ADAM23: variants seen among roughly 807,000 people sequenced by gnomAD.
ADAM23 encodes disintegrin and metalloproteinase domain-containing protein 23.
ADAM23 carries 33 observed loss-of-function variants against 120.1 expected under a neutral mutation model. The observed-to-expected ratio is 0.27, with a 90% CI of 0.21 to 0.37. The LOEUF is 0.37. ADAM23 is among the 10% of genes least tolerant of loss of function. The probability of loss-of-function intolerance (pLI) is 1.00; values close to 1 mark genes in which losing one functional copy is unlikely to be tolerated. For synonymous variants in ADAM23, 367 were observed against 375.2 expected (o/e 0.98, Z 0.25); for missense variants, 862 against 1,058.2 (o/e 0.81, Z 2.57).
chr2:206,454,081 G>C (rs1365324789), intron 2 of ADAM23, among the ~76,000 whole-genome samples: 3 of 152,214 alleles, frequency 2.0e-5, no homozygotes, highest in African/African-American at 7.2e-5. Context: ...GTGAACCAAA[G>C]TGTAAATAGA....
intron 24 of ADAM23, among the ~76,000 whole-genome samples, chr2:206,609,592 A>G (rs1033090251): frequency 2.0e-5 from 3 of 152,124 alleles, no homozygotes; most frequent in Non-Finnish European, 2.9e-5. Flanking sequence ...TTGATACATG[A>G]TACTGGGAGA....
chr2:206,477,998 A>G (rs1346162237), intron 2 of ADAM23, among the ~76,000 whole-genome samples: 1 of 150,516 alleles, frequency 6.6e-6, no homozygotes, highest in Non-Finnish European at 1.5e-5. Flanking sequence ...ATATATAAAA[A>G]CTGTGTAATA....
intron 3 of ADAM23, among the ~76,000 whole-genome samples, chr2:206,487,424 T>A (rs1237777907): frequency 6.6e-6 from 1 of 152,064 alleles, no homozygotes; most frequent in Non-Finnish European, 1.5e-5. Flanking sequence ...AGGCCCTGGG[T>A]TGATAGGTGC....
chr2:206,497,797 C>A (rs1374826801), intron 3 of ADAM23, among the ~76,000 whole-genome samples: 1 of 152,176 alleles, frequency 6.6e-6, no homozygotes, highest in Non-Finnish European at 1.5e-5. Flanking sequence ...TAAGCAACTT[C>A]AGCAAAGTCT....
chr2:206,548,217 A>T, intron 7 of ADAM23, 64 bp from the exon 8 acceptor site: 1 of 1,463,274 alleles, frequency 6.8e-7, no homozygotes, highest in Non-Finnish European at 9.5e-7. Context: ...TTCATGTAAT[A>T]TTTTAAAACA....
chr2:206,489,789 A>G (rs1696092856), intron 3 of ADAM23, among the ~76,000 whole-genome samples: 1 of 152,186 alleles, frequency 6.6e-6, no homozygotes, highest in African/African-American at 2.4e-5. Context: ...CTGGACTACC[A>G]ATTTGCAAGT....
At chr2:206,476,912 G>T (rs1210807690) in intron 2 of ADAM23, among the ~76,000 whole-genome samples, 1 of 152,154 alleles carries the variant, frequency 6.6e-6, no homozygotes, top group African/African-American at 2.4e-5. Flanking sequence ...TTGCCAAGTA[G>T]TGAAGAATAC....
intron 24 of ADAM23, among the ~76,000 whole-genome samples, chr2:206,609,268 T>C (rs1316812980): frequency 2.0e-5 from 3 of 152,226 alleles, no homozygotes; most frequent in Non-Finnish European, 2.9e-5. Flanking sequence ...TCCCCAAAAT[T>C]ACCCAAATGA....
At chr2:206,531,013 A>G (rs1559250602) in intron 4 of ADAM23, 65 bp downstream of exon 4, 1 of 1,352,496 alleles carries the variant, frequency 7.4e-7, no homozygotes, top group Non-Finnish European at 1.0e-6. Context: ...TGATCAGTGC[A>G]CACTGCGTTG....
At position 206,550,655 on chromosome 2, in the gene ADAM23, A is replaced by G. The variant is rs10188762; in HGVS notation, c.933+495A>G. Among the ~76,000 whole-genome samples the G allele has an allele frequency of 5.9e-3, 843 of 143,472 alleles. 9 individuals are homozygous for G. Among genetic ancestry groups the G allele is most frequent in the African/African-American group, 0.021 (809 of 38,174 alleles). 94.1% of individuals were successfully genotyped at this position (143,472 alleles called of 152,430 possible). On this transcript the variant is annotated intron_variant, in intron 9 of 25. Transcript: ENST00000264377. ...CTCGCTCTGTCGCCCAGCCTGGAGT[A>G]CAGTGGCGCGATCTCGGCTCACTGC...
At chr2:206,560,161 A>G (rs1697734628) in intron 11 of ADAM23, 43 bp downstream of exon 11, 4 of 1,557,140 alleles carry the variant, frequency 2.6e-6, no homozygotes, top group Non-Finnish European at 3.5e-6. Flanking sequence ...TTGGTCTGAC[A>G]TTTATCCTTA....
At position 206,605,955 on chromosome 2, in the gene ADAM23, A is replaced by G. The variant is rs1293802682; in HGVS notation, c.2360-3955A>G. On this transcript the variant is annotated intron_variant, in intron 24 of 25. Transcript: ENST00000264377. ...TGAGGCGATGCCTGTACCTGACTCC[A>G]TGTCTCGTCCTGTTGACCGTGTTTC... is the stretch of plus-strand genomic sequence containing the variant. 1.3e-5 allele frequency: 8 copies of G among 596,366 alleles called. No individual in the cohort carries two copies. In the Admixed American group the frequency reaches 1.6e-4, roughly 12 times the overall value. The allele number at this position is 596,366 out of a possible 1,614,324, so 36.9% of individuals were successfully genotyped here. A position where few individuals can be genotyped will look rare whatever the true frequency, so the allele number is the denominator to read the frequency against.
chr2:206,536,592 C>CA (rs2105802573), intron 4 of ADAM23, among the ~76,000 whole-genome samples: 1 of 152,134 alleles, frequency 6.6e-6, no homozygotes, highest in African/African-American at 2.4e-5. Flanking sequence ...TTTAGGTGGT[C>CA]ACGCCACACG....
At chr2:206,508,272 C>T (rs943518773) in intron 3 of ADAM23, among the ~76,000 whole-genome samples, 2 of 152,162 alleles carry the variant, frequency 1.3e-5, no homozygotes, top group Admixed American at 1.3e-4. Context: ...GTGATCCGCC[C>T]ACCTTGGCCT....
chr2:206,557,478 G>T lies in ADAM23; in HGVS notation c.985G>T (p.Val329Leu), dbSNP rs1275659625. 8.7e-6 allele frequency: 14 copies of T among 1,613,458 alleles called. No homozygotes were observed. Among genetic ancestry groups the T allele is most frequent in the Non-Finnish European group, 1.2e-5 (14 of 1,179,440 alleles). ...HAHTNNFAKS[V>L]VNLVDSIYKE... ...ACATACCAACAACTTTGCAAAGTCC[G>T]TGGTCAACCTTGTGGATTCTGTAAG... The change falls in exon 10 of 26, where the codon GTG (valine) becomes TTG (leucine). Residue 329 changes from valine (V) to leucine (L), a missense_variant. Physicochemically the swap from Val to Leu is conservative, Grantham distance 32 (BLOSUM62 1). Around this residue, in one of 4 missense-constraint regions of ADAM23, gnomAD observed 617 missense variants for 813.5 expected, o/e 0.76. Transcript: ENST00000264377.
Position 206,576,364 on chromosome 2 carries a change from AT to A in ADAM23, c.1737+3174del, listed in dbSNP as rs202014431. On this transcript the variant is annotated intron_variant, in intron 18 of 25. Coordinates refer to ENST00000264377, the MANE Select transcript of ADAM23 (RefSeq NM_003812.4). ...TGCCATAGAATTTACTAGAAATAAG[AT>A]TTTTATGATGAGAACTCTTTGTTTA... Among the ~76,000 whole-genome samples the A allele has an allele frequency of 9.1e-4, 139 of 152,198 alleles. 3 individuals carry two copies. In the East Asian group the frequency reaches 0.023, roughly 25 times the overall value.
chr2:206,560,172 T>C, intron 11 of ADAM23, 54 bp downstream of exon 11: 4 of 1,531,170 alleles, frequency 2.6e-6, no homozygotes, highest in African/African-American at 1.4e-5. Flanking sequence ...TTTATCCTTA[T>C]CCCTTTTTTG....
chr2:206,481,389 G>A, intron 3 of ADAM23, 81 bp downstream of exon 3: 2 of 1,037,820 alleles, frequency 1.9e-6, no homozygotes, highest in East Asian at 2.8e-5. Context: ...TCAAAATAAT[G>A]TCTGTTGTTT....
rs773479674 is a variant in ADAM23 at position 206,445,543 on chromosome 2, A to G, written c.432+19A>G. On this transcript the variant is annotated intron_variant, in intron 2 of 25. Transcript: ENST00000264377. ...TAATAAGGTAGGCAGGAGGCTGGCT[A>G]TGCAAAAGTAACTATCATGAAGAGT... 6.3e-6 allele frequency: 10 copies of G among 1,588,880 alleles called. No individual in the cohort carries two copies. The highest frequency in any genetic ancestry group is 1.1e-5 in the South Asian group (1 of 88,010).
Sources: gnomAD v4.1 joint callset for allele counts (sites outside exome capture counted in the v4.1 genomes callset) on GRCh38, gnomAD v4.1.1 for gene constraint, gnomAD v4.1.1 regional missense constraint, MANE v1.5 for transcripts, NCBI Gene and HGNC (gene_info 2026-07-23, HGNC 2026-07-21) for gene names.